The following ACACA variants were observed in gnomAD, a reference collection of about 807,000 sequenced individuals.
The protein encoded by ACACA is acetyl-CoA carboxylase alpha.
In ACACA, 103 loss-of-function variants were observed where a neutral mutation model predicts 296.1. That is an observed-to-expected ratio of 0.35 (90% CI 0.30 to 0.41). The LOEUF (loss-of-function observed/expected upper bound fraction) is 0.41, where lower values mean the gene tolerates loss of function less well. Among genes scored for constraint, ACACA ranks in the 10% least tolerant of loss-of-function variants. ACACA has a pLI of 1.00. For missense variants in ACACA, 1,554 were observed against 2,989.7 expected (o/e 0.52, Z 11.20); for synonymous variants, 953 against 1,038.6 (o/e 0.92, Z 1.58).
rs955366044 is a variant in ACACA at position 37,149,923 on chromosome 17, T to G, written c.5620A>C (p.Arg1874=). 3.7e-6 allele frequency: 6 copies of G among 1,614,228 alleles called. No individual in the cohort carries two copies. Among genetic ancestry groups the G allele is most frequent in the Non-Finnish European group, 5.1e-6 (6 of 1,180,028 alleles). The change falls in exon 45 of 56, where the codon AGA becomes CGA. Residue 1874 remains arginine (R), a synonymous_variant. Coordinates refer to ENST00000616317, the MANE Select transcript of ACACA (RefSeq NM_198834.3). ...TGAGAATTCTCAACCTGGATGGTTCTCTGTCCCAGCCGGACAAGGTAAGCC... is the reference window on the plus strand; with the variant it reads ...TGAGAATTCTCAACCTGGATGGTTCGCTGTCCCAGCCGGACAAGGTAAGCC... The part of the protein sequence containing the change: ...IGAYLVRLGQ[R]TIQVENSHLI...
intron 5 of ACACA, among the ~76,000 whole-genome samples, chr17:37,280,522 C>A (rs1322207323): frequency 1.3e-5 from 2 of 151,984 alleles, no homozygotes; most frequent in Non-Finnish European, 2.9e-5. Flanking sequence ...TGCTTTTTAT[C>A]AATAAGGTAT....
chr17:37,392,604 A>G (rs925645586), intron 1 of ACACA: 1 of 152,034 alleles, frequency 6.6e-6, no homozygotes, highest in Non-Finnish European at 1.5e-5. Context: ...AAACCATTCC[A>G]TTTCATTTTG....
At chr17:37,349,057 TTTA>T (rs995252258) in intron 1 of ACACA, among the ~76,000 whole-genome samples, 23 of 150,102 alleles carry the variant, frequency 1.5e-4, no homozygotes, top group East Asian at 1.9e-4. Context: ...TTCTTTATTA[TTTA>T]TTATTATTAT....
intron 5 of ACACA, 70 bp from the exon 6 acceptor site, chr17:37,278,075 C>T (rs1281688673): frequency 5.2e-6 from 6 of 1,157,118 alleles, no homozygotes; most frequent in Non-Finnish European, 5.2e-6. Flanking sequence ...CACAGCAAAA[C>T]TACGTAAAGG....
chr17:37,254,995 G>T (rs996833326), intron 14 of ACACA, among the ~76,000 whole-genome samples: 1 of 152,114 alleles, frequency 6.6e-6, no homozygotes, highest in Non-Finnish European at 1.5e-5. Context: ...CAGTTACTCA[G>T]GAAGCTGAGG....
intron 38 of ACACA, 124 bp from the exon 39 acceptor site, chr17:37,188,604 A>T: frequency 1.0e-6 from 1 of 993,246 alleles, no homozygotes; most frequent in East Asian, 2.5e-5. Context: ...GGAGATGCAC[A>T]CCTTACAAAA....
chr17:37,300,081 T>C (rs1331480089), intron 3 of ACACA, among the ~76,000 whole-genome samples: 1 of 152,176 alleles, frequency 6.6e-6, no homozygotes, highest in Non-Finnish European at 1.5e-5. Flanking sequence ...TAAGGTTTTA[T>C]GCACCAAAGC....
intron 36 of ACACA, among the ~76,000 whole-genome samples, chr17:37,192,816 T>C (rs1386681870): frequency 6.6e-6 from 1 of 152,168 alleles, no homozygotes; most frequent in African/African-American, 2.4e-5. Context: ...TGGAACACTA[T>C]ATCCATAGAT....
chr17:37,103,527 T>C (rs1297845075), intron 52 of ACACA, among the ~76,000 whole-genome samples: 2 of 152,174 alleles, frequency 1.3e-5, no homozygotes, highest in Non-Finnish European at 1.5e-5. Context: ...TTTAAGAATA[T>C]GCTACAGAGA....
At chr17:37,235,936 T>C (rs1443851708) in intron 24 of ACACA, among the ~76,000 whole-genome samples, 2 of 152,208 alleles carry the variant, frequency 1.3e-5, no homozygotes, top group Admixed American at 6.5e-5. Context: ...ATATCTGCCA[T>C]GGGATATAAG....
chr17:37,298,436 C>T (rs554301523), intron 3 of ACACA, among the ~76,000 whole-genome samples: 20 of 152,280 alleles, frequency 1.3e-4, no homozygotes, highest in Middle Eastern at 3.4e-3. Flanking sequence ...AATACCAACA[C>T]TTCTGGAGGC....
chr17:37,136,798 G>A (rs1043055233), intron 45 of ACACA, among the ~76,000 whole-genome samples: 8 of 151,944 alleles, frequency 5.3e-5, no homozygotes, highest in African/African-American at 1.4e-4. Flanking sequence ...AAAATTAGCC[G>A]GGGCGTGGTG....
In ACACA at chr17:37,116,360, G is replaced by T. The variant is rs535734237; in HGVS notation, c.6275-3095C>A. 9.5e-4 allele frequency among the ~76,000 whole-genome samples: 145 copies of T among 152,254 alleles called. No individual in the cohort carries two copies. The South Asian group carries it at 0.015, about 16-fold the overall frequency. ...TACTCTGCTTTCCAACATCTAATAT[G>T]ATGAGTAAAATAAAACCAGAAAAAG... On this transcript the variant is annotated intron_variant, in intron 50 of 55. Coordinates refer to ENST00000616317, the MANE Select transcript of ACACA (RefSeq NM_198834.3).
At chr17:37,342,120 A>G (rs2048393485) in intron 1 of ACACA, among the ~76,000 whole-genome samples, 1 of 151,848 alleles carries the variant, frequency 6.6e-6, no homozygotes, top group Admixed American at 6.6e-5. Flanking sequence ...TAAAAAATAT[A>G]TCATGTGGCC....
intron 18 of ACACA, among the ~76,000 whole-genome samples, chr17:37,247,387 TACGGA>T (rs2080764782): frequency 1.3e-5 from 2 of 151,828 alleles, no homozygotes; most frequent in Non-Finnish European, 2.9e-5. Context: ...TTTTTTTTGA[TACGGA>T]GTTTTGCTCT....
rs749001430 is a variant in ACACA at position 37,192,299 on chromosome 17, C to G, written c.4207G>C (p.Glu1403Gln). Reference sequence around the variant, plus strand: ...TCCAGATGACGATAGATACGATCCTCCTCAAACTGAGTACAAGAATCAGAG... The same window carrying G: ...TCCAGATGACGATAGATACGATCCTGCTCAAACTGAGTACAAGAATCAGAG... ...FTFRARDKFE[E>Q]DRIYRHLEPA... is the part of the protein sequence containing the mutation. The change falls in exon 37 of 56, where the codon GAG becomes CAG. Residue 1403 changes from glutamate to glutamine, a missense_variant. Coordinates refer to ENST00000616317, the MANE Select transcript of ACACA (RefSeq NM_198834.3). 1 of 1,613,772 alleles carries G rather than the reference C, an allele frequency of 6.2e-7. No homozygotes were observed. The highest frequency in any genetic ancestry group is 1.3e-5 in the African/African-American group (1 of 75,014).
chr17:37,132,606 A>G (rs189889380), intron 45 of ACACA, among the ~76,000 whole-genome samples: 1 of 152,350 alleles, frequency 6.6e-6, no homozygotes, highest in East Asian at 1.9e-4. Context: ...GATATTCACA[A>G]TCTAGGTCAG....
chr17:37,096,368 G>A (rs527812321), intron 54 of ACACA, among the ~76,000 whole-genome samples: 2 of 152,278 alleles, frequency 1.3e-5, no homozygotes, highest in South Asian at 4.1e-4. Context: ...ACAGTTGCAG[G>A]ATGTTCCTTT....
At chr17:37,120,183 G>A (rs1321632052) in intron 50 of ACACA, among the ~76,000 whole-genome samples, 1 of 141,950 alleles carries the variant, frequency 7.0e-6, no homozygotes, top group African/African-American at 2.6e-5. Context: ...GTGAGCCACC[G>A]CGCCTGGCCA....
Sources: gnomAD v4.1 joint callset for allele counts (sites outside exome capture counted in the v4.1 genomes callset) on GRCh38, gnomAD v4.1.1 for gene constraint, MANE v1.5 for transcripts, NCBI Gene and HGNC (gene_info 2026-07-23, HGNC 2026-07-21) for gene names.